KLHL15: variants seen among roughly 807,000 people sequenced by gnomAD.
The protein encoded by KLHL15 is kelch-like protein 15.
In KLHL15, 1 loss-of-function variant was observed where a neutral mutation model predicts 29.3. The ratio of observed to expected loss-of-function variants is 0.03; its 90% CI spans 0.01 to 0.16. The LOEUF (loss-of-function observed/expected upper bound fraction) is 0.16, where lower values mean the gene tolerates loss of function less well. KLHL15 is among the 10% of genes least tolerant of loss of function. The pLI is 1.00. For missense variants in KLHL15, 215 were observed against 478.5 expected, an observed-to-expected ratio of 0.45 and a Z score of 5.14; for synonymous variants, 212 against 184.5, an observed-to-expected ratio of 1.15 and a Z score of -1.21.
At chrX:24,016,141 G>T (rs1431704559) in intron 2 of KLHL15, among the ~76,000 whole-genome samples, 1 of 107,551 alleles carries the variant, frequency 9.3e-6, no homozygotes, top group Non-Finnish European at 1.9e-5. Context: ...GAGGTCAGGA[G>T]ATCGAGACCA....
chrX:23,996,008 CA>C (rs1929181489), intron 3 of KLHL15, among the ~76,000 whole-genome samples: 1 of 112,338 alleles, frequency 8.9e-6, no homozygotes. Context: ...CTTGGCCTCC[CA>C]AAGTGCTGGG....
chrX:24,026,178 C>T (rs181718938), intron 1 of KLHL15, among the ~76,000 whole-genome samples: 112 of 111,730 alleles, frequency 1.0e-3, no homozygotes, highest in African/African-American at 3.4e-3. Flanking sequence ...GCTTACTGCA[C>T]AACAATTACA....
intron 3 of KLHL15, among the ~76,000 whole-genome samples, chrX:23,998,309 T>G (rs1159921659): frequency 9.1e-6 from 1 of 109,987 alleles, no homozygotes; most frequent in Admixed American, 9.8e-5. Context: ...CAGGCTGGAG[T>G]GCAGTGGCGC....
chrX:23,996,169 T>A (rs1929184350), intron 3 of KLHL15, among the ~76,000 whole-genome samples: 1 of 112,360 alleles, frequency 8.9e-6, no homozygotes, highest in Admixed American at 9.5e-5. Flanking sequence ...CTTAAGATGG[T>A]GCCTGGCCCT....
At chrX:23,992,240 A>G (rs1279086885) in intron 3 of KLHL15, among the ~76,000 whole-genome samples, 1 of 112,354 alleles carries the variant, frequency 8.9e-6, no homozygotes, top group Non-Finnish European at 1.9e-5. Flanking sequence ...TTGGGATAAC[A>G]CATTCATAAC....
chrX:24,007,508 A>AATATATATATATATATAT (rs759758947), intron 2 of KLHL15, among the ~76,000 whole-genome samples: 2 of 35,934 alleles, frequency 5.6e-5, no homozygotes, highest in African/African-American at 3.0e-4. Flanking sequence ...AAAAAAAAAA[A>AATATATATATATATATAT]ATATATATAT....
chrX:24,024,769 G>A, intron 2 of KLHL15, 88 bp downstream of exon 2: 1 of 297,327 alleles, frequency 3.4e-6, no homozygotes, highest in Admixed American at 6.0e-5. Flanking sequence ...TCGGGTCCGT[G>A]CAGAGAGGGC....
At chrX:24,000,968 T>A (rs756059104) in intron 3 of KLHL15, among the ~76,000 whole-genome samples, 1 of 112,324 alleles carries the variant, frequency 8.9e-6, no homozygotes, top group South Asian at 3.6e-4. Context: ...AAAATGTACC[T>A]CAATTTCACC....
chrX:24,005,586 C>T (rs752145701), intron 3 of KLHL15, among the ~76,000 whole-genome samples: 3 of 111,489 alleles, frequency 2.7e-5, no homozygotes, highest in Admixed American at 9.6e-5. Context: ...CTTCTCAATG[C>T]CAATTTCTGC....
chrX:24,008,863 G>C (rs781263053), intron 2 of KLHL15, among the ~76,000 whole-genome samples: 1 of 83,820 alleles, frequency 1.2e-5, no homozygotes, highest in African/African-American at 6.0e-5. Flanking sequence ...CTACTCCCAC[G>C]CGTGTTAGAA....
chrX:23,991,749 G>T (rs1222034030), intron 3 of KLHL15, among the ~76,000 whole-genome samples: 1 of 110,591 alleles, frequency 9.0e-6, no homozygotes, highest in African/African-American at 3.3e-5. Flanking sequence ...TGAGGTAGTA[G>T]AATCACTTGA....
intron 2 of KLHL15, among the ~76,000 whole-genome samples, chrX:24,010,705 G>A (rs1027291904): frequency 1.2e-4 from 13 of 111,456 alleles, no homozygotes; most frequent in African/African-American, 4.2e-4. Context: ...ACACTGCTGG[G>A]ACCCAATCTC....
intron 3 of KLHL15, among the ~76,000 whole-genome samples, chrX:23,989,899 C>T (rs1047914954): frequency 3.6e-5 from 4 of 110,535 alleles, no homozygotes; most frequent in Non-Finnish European, 7.6e-5. Flanking sequence ...AAGCGATCCT[C>T]CTGCCTCAGC....
At chrX:24,027,113 A>G (rs1389460087) in intron 1 of KLHL15, 27 bp downstream of exon 1, 1 of 112,357 alleles carries the variant, frequency 8.9e-6, no homozygotes, top group African/African-American at 3.2e-5. Context: ...TAACATTTTA[A>G]GCTATACATT....
chrX:24,025,755 C>T (rs1268964077), intron 1 of KLHL15, among the ~76,000 whole-genome samples: 1 of 110,142 alleles, frequency 9.1e-6, no homozygotes, highest in Non-Finnish European at 1.9e-5. Flanking sequence ...TGTCCCGCGC[C>T]CGCGGCGCCC....
At chrX:24,017,093 T>A (rs1199665722) in intron 2 of KLHL15, among the ~76,000 whole-genome samples, 1 of 109,309 alleles carries the variant, frequency 9.1e-6, no homozygotes, top group Non-Finnish European at 1.9e-5. Flanking sequence ...GTGCCTGTAG[T>A]CTCAGCTACT....
intron 2 of KLHL15, among the ~76,000 whole-genome samples, chrX:24,018,939 G>A (rs1469990277): frequency 1.0e-5 from 1 of 95,804 alleles, no homozygotes; most frequent in Non-Finnish European, 2.0e-5. Flanking sequence ...GGAGGCAGAG[G>A]TTGCAGTGAG....
At chrX:24,018,549 A>C (rs1306324008) in intron 2 of KLHL15, among the ~76,000 whole-genome samples, 1 of 110,987 alleles carries the variant, frequency 9.0e-6, no homozygotes, top group Non-Finnish European at 1.9e-5. Flanking sequence ...GGTACTGACT[A>C]AATAAAAGAA....
chrX:23,987,954 G>C lies in KLHL15; in HGVS notation c.1782C>G (p.Asp594Glu). ...AACGCCTGACCTCATCCAGTACATA[G>C]TCCGGAAAATGCAGGTTGCATACTT... ...GLQVCNLHFP[D>E]YVLDEVRRCN Residue 594 changes from aspartate (D) to glutamate (E), a missense_variant, in exon 4 of 4, where the codon GAC becomes GAG. Coordinates refer to ENST00000328046, the MANE Select transcript of KLHL15 (RefSeq NM_030624.3). The C allele has an allele frequency of 8.3e-7, 1 of 1,209,609 alleles. No homozygotes were observed. Among genetic ancestry groups the C allele is most frequent in the Admixed American group, 2.2e-5 (1 of 45,850 alleles).
Sources: allele counts gnomAD v4.1 joint callset (sites outside exome capture counted in the v4.1 genomes callset), GRCh38; gene constraint gnomAD v4.1.1; transcripts MANE v1.5; gene names NCBI Gene and HGNC (gene_info 2026-07-23, HGNC 2026-07-21).